The following TRIM44 variants were observed in gnomAD, a reference collection of about 807,000 sequenced individuals.
The protein encoded by TRIM44 is tripartite motif-containing protein 44.
Under a neutral mutation model 37.4 loss-of-function variants are expected in TRIM44, and 13 were observed. The observed-to-expected ratio is 0.35, with a 90% CI of 0.23 to 0.55. TRIM44 has a LOEUF of 0.55. Among genes scored for constraint, TRIM44 ranks in the 20% least tolerant of loss-of-function variants. The pLI, the probability that TRIM44 is intolerant of heterozygous loss-of-function variation, is 0.89. For missense variants in TRIM44, 426 were observed against 437.2 expected (o/e 0.97, Z 0.23); for synonymous variants, 175 against 157.2 (o/e 1.11, Z -0.85).
intron 3 of TRIM44, among the ~76,000 whole-genome samples, chr11:35,728,683 T>C (rs1056510606): frequency 6.6e-6 from 1 of 152,208 alleles, no homozygotes; most frequent in Admixed American, 6.5e-5. Flanking sequence ...ATAGAATTTA[T>C]CAAAAATCAC....
intron 4 of TRIM44, among the ~76,000 whole-genome samples, chr11:35,786,037 T>C (rs911392079): frequency 1.3e-5 from 2 of 152,230 alleles, no homozygotes; most frequent in Non-Finnish European, 2.9e-5. Flanking sequence ...TTTTTAAAAA[T>C]GTTTTCAACC....
intron 4 of TRIM44, among the ~76,000 whole-genome samples, chr11:35,781,979 A>C (rs1374272490): frequency 6.6e-6 from 1 of 152,238 alleles, no homozygotes; most frequent in Admixed American, 6.5e-5. Context: ...TTCATCTTTC[A>C]GTATTTCAAC....
intron 2 of TRIM44, among the ~76,000 whole-genome samples, chr11:35,692,112 C>G (rs1047030759): frequency 6.6e-6 from 1 of 151,964 alleles, no homozygotes; most frequent in Non-Finnish European, 1.5e-5. Flanking sequence ...TGTAGAAGAC[C>G]CAAGTATAAA....
chr11:35,719,926 A>G (rs984217905), intron 2 of TRIM44, among the ~76,000 whole-genome samples: 74 of 152,112 alleles, frequency 4.9e-4, no homozygotes, highest in Non-Finnish European at 4.4e-5. Context: ...CTAGTATCAC[A>G]CTGTCTTGAT....
Position 35,817,267 on chromosome 11 carries a change from A to C in TRIM44, c.*10882A>C, listed in dbSNP as rs1590621548. ...AAAGCAGGTGGCACCACCAAAAGGCACCTTCTTTTCCCATGAAAAGAGGGA... is the reference window on the plus strand; with the variant it reads ...AAAGCAGGTGGCACCACCAAAAGGCCCCTTCTTTTCCCATGAAAAGAGGGA... On this transcript the variant is annotated 3_prime_UTR_variant, in exon 5 of 5. Coordinates refer to ENST00000299413, the MANE Select transcript of TRIM44 (RefSeq NM_017583.6). 1 of 152,228 alleles carries C rather than the reference A, an allele frequency of 6.6e-6. No homozygotes were observed. Among genetic ancestry groups the C allele is most frequent in the East Asian group, 1.9e-4 (1 of 5,162 alleles). The allele number at this position is 152,228 out of a possible 1,614,324, so 9.4% of individuals were successfully genotyped here.
chr11:35,710,460 A>G (rs1195142249), intron 2 of TRIM44, among the ~76,000 whole-genome samples: 1 of 152,112 alleles, frequency 6.6e-6, no homozygotes, highest in Non-Finnish European at 1.5e-5. Context: ...AAACAAGTTT[A>G]TTAACATATA....
intron 2 of TRIM44, among the ~76,000 whole-genome samples, chr11:35,722,168 T>C (rs1852117838): frequency 6.6e-6 from 1 of 152,190 alleles, no homozygotes; most frequent in Non-Finnish European, 1.5e-5. Context: ...TTTAGAACAA[T>C]GGCCTTTCAA....
intron 4 of TRIM44, among the ~76,000 whole-genome samples, chr11:35,786,449 A>T (rs974155591): frequency 2.6e-5 from 4 of 152,198 alleles, no homozygotes; most frequent in Non-Finnish European, 5.9e-5. Flanking sequence ...TGGACAGGAA[A>T]AGCCACCACA....
chr11:35,750,634 T>C lies in TRIM44; in HGVS notation c.1007+15189T>C, dbSNP rs138937582. 1.9e-3 allele frequency among the ~76,000 whole-genome samples: 285 copies of C among 152,312 alleles called. 2 individuals carry two copies. Among genetic ancestry groups the C allele is most frequent in the African/African-American group, 6.6e-3 (274 of 41,560 alleles). ...TCACATAAATGTAAGTCTTTAGAAG[T>C]GGTGTTCCTCAAGATATACTATGAT... is the stretch of plus-strand genomic sequence containing the variant. On this transcript the variant is annotated intron_variant, in intron 4 of 4. Coordinates refer to ENST00000299413, the MANE Select transcript of TRIM44 (RefSeq NM_017583.6).
chr11:35,679,584 C>T (rs1039957799), intron 1 of TRIM44, among the ~76,000 whole-genome samples: 1 of 152,156 alleles, frequency 6.6e-6, no homozygotes, highest in African/African-American at 2.4e-5. Context: ...AGAGAGGTTG[C>T]TTTGCCTAAA....
intron 4 of TRIM44, among the ~76,000 whole-genome samples, chr11:35,783,997 C>T (rs998079137): frequency 2.0e-5 from 3 of 152,184 alleles, no homozygotes; most frequent in African/African-American, 4.8e-5. Context: ...CTCACACTGA[C>T]GTGGCCTTCA....
intron 3 of TRIM44, among the ~76,000 whole-genome samples, chr11:35,729,672 A>G (rs1318117911): frequency 6.6e-6 from 1 of 152,228 alleles, no homozygotes. Flanking sequence ...AGTGGGGCAG[A>G]CAAGAATAGC....
At chr11:35,671,404 G>A (rs1219547071) in intron 1 of TRIM44, among the ~76,000 whole-genome samples, 1 of 152,100 alleles carries the variant, frequency 6.6e-6, no homozygotes, top group African/African-American at 2.4e-5. Flanking sequence ...TGACTTTGTG[G>A]GTGATTAAGA....
chr11:35,695,232 A>G (rs781229284), intron 2 of TRIM44, among the ~76,000 whole-genome samples: 2 of 152,130 alleles, frequency 1.3e-5, no homozygotes, highest in Non-Finnish European at 2.9e-5. Flanking sequence ...CAAGGTGCCC[A>G]TCCTCGTTCT....
At chr11:35,801,430 G>A (rs1853368040) in intron 4 of TRIM44, among the ~76,000 whole-genome samples, 3 of 152,122 alleles carry the variant, frequency 2.0e-5, no homozygotes, top group Admixed American at 1.3e-4. Flanking sequence ...ACATTAAGTT[G>A]TACTATATGC....
At chr11:35,792,251 C>T (rs1269020233) in intron 4 of TRIM44, among the ~76,000 whole-genome samples, 1 of 152,178 alleles carries the variant, frequency 6.6e-6, no homozygotes, top group Non-Finnish European at 1.5e-5. Flanking sequence ...GTTTTCACTG[C>T]TATTTTACCT....
chr11:35,693,950 C>T (rs567829003), intron 2 of TRIM44, among the ~76,000 whole-genome samples: 9 of 152,180 alleles, frequency 5.9e-5, no homozygotes, highest in East Asian at 1.9e-4. Flanking sequence ...GGAGTATGCT[C>T]CTTACCCAGG....
chr11:35,770,666 A>G (rs1274117360), intron 4 of TRIM44, among the ~76,000 whole-genome samples: 1 of 151,942 alleles, frequency 6.6e-6, no homozygotes, highest in Admixed American at 6.6e-5. Flanking sequence ...ATTTTTCCAT[A>G]TGTTTGTTGG....
chr11:35,801,639 T>G (rs1272346496), intron 4 of TRIM44, among the ~76,000 whole-genome samples: 2 of 152,124 alleles, frequency 1.3e-5, no homozygotes, highest in East Asian at 3.9e-4. Flanking sequence ...TCAGCAGGTG[T>G]TTAGGGTCTG....
Sources: gnomAD v4.1 joint callset for allele counts (sites outside exome capture counted in the v4.1 genomes callset) on GRCh38, gnomAD v4.1.1 for gene constraint, MANE v1.5 for transcripts, NCBI Gene and HGNC (gene_info 2026-07-23, HGNC 2026-07-21) for gene names.